TRHDE: variants seen among roughly 807,000 people sequenced by gnomAD.
The protein encoded by TRHDE is thyrotropin-releasing hormone-degrading ectoenzyme.
TRHDE carries 72 observed loss-of-function variants against 125.7 expected under a neutral mutation model. The observed-to-expected ratio is 0.57, with a 90% CI of 0.47 to 0.70. The LOEUF (loss-of-function observed/expected upper bound fraction) is 0.70, where lower values mean the gene tolerates loss of function less well. Ranked by LOEUF, TRHDE falls within the 30% of genes least tolerant of loss-of-function variation. TRHDE has a pLI of 0.00. For synonymous variants in TRHDE, 509 were observed against 509.1 expected (o/e 1.00, Z 0.00); for missense variants, 1,110 against 1,327.1 (o/e 0.84, Z 2.54).
chr12:72,152,947 A>T (rs527473696), intron 2 of TRHDE, among the ~76,000 whole-genome samples: 1 of 152,064 alleles, frequency 6.6e-6, no homozygotes, highest in African/African-American at 2.4e-5. Context: ...TTTTCTATTG[A>T]TTGGAATAGT....
At chr12:72,505,166 A>G (rs1878308174) in intron 6 of TRHDE, among the ~76,000 whole-genome samples, 1 of 152,192 alleles carries the variant, frequency 6.6e-6, no homozygotes, top group African/African-American at 2.4e-5. Flanking sequence ...TTCAATATGG[A>G]TAGTCCCAAG....
intron 3 of TRHDE, among the ~76,000 whole-genome samples, chr12:72,429,398 G>A (rs1162227855): frequency 1.3e-5 from 2 of 150,538 alleles, no homozygotes; most frequent in East Asian, 1.9e-4. Context: ...ATTAAAAAAA[G>A]ATATACCACA....
chr12:72,653,186 T>C (rs1874576285), intron 17 of TRHDE, 30 bp downstream of exon 17: 1 of 1,588,784 alleles, frequency 6.3e-7, no homozygotes, highest in South Asian at 1.1e-5. Flanking sequence ...CTTGAATGAG[T>C]AAATTAAAGC....
At position 72,131,065 on chromosome 12, in the gene TRHDE, A is replaced by ATTT. The variant is rs757285511; in HGVS notation, n.279+25335_279+25337dup. 2.0e-3 allele frequency among the ~76,000 whole-genome samples: 216 copies of ATTT among 105,452 alleles called. 1 individual carries two copies. The highest frequency in any genetic ancestry group is 6.8e-3 in the Middle Eastern group (1 of 146). 69.2% of individuals were successfully genotyped at this position (105,452 alleles called of 152,430 possible). Reference sequence around the variant, plus strand: ...TATATTTCTTGTACTACTTAATGTAATTTTTTTTTTTTTTTTTTTTTTTTG... The same window carrying ATTT: ...TATATTTCTTGTACTACTTAATGTAATTTTTTTTTTTTTTTTTTTTTTTTTTTG... On this transcript the variant is annotated intron_variant and non_coding_transcript_variant, in intron 2 of 4. Coordinates refer to the TRHDE transcript ENST00000548156.
At chr12:72,466,889 C>G (rs1876401652) in intron 3 of TRHDE, among the ~76,000 whole-genome samples, 1 of 152,156 alleles carries the variant, frequency 6.6e-6, no homozygotes, top group African/African-American at 2.4e-5. Flanking sequence ...CTAATTTTCT[C>G]ATTCATTTAT....
intron 3 of TRHDE, among the ~76,000 whole-genome samples, chr12:72,442,768 C>T (rs1481051986): frequency 6.6e-6 from 1 of 151,750 alleles, no homozygotes; most frequent in Non-Finnish European, 1.5e-5. Context: ...AGGAGTTGGC[C>T]TAAAAGTCAT....
Position 72,273,100 on chromosome 12 carries a change from C to A in TRHDE, c.457C>A (p.Gln153Lys), listed in dbSNP as rs982097180. The A allele has an allele frequency of 2.6e-6, 4 of 1,520,706 alleles. No homozygotes were observed. The African/African-American group carries it at 5.5e-5, about 21-fold the overall frequency. 94.2% of individuals were successfully genotyped at this position (1,520,706 alleles called of 1,614,324 possible). The change falls in exon 1 of 19, where the codon CAG becomes AAG. Residue 153 changes from glutamine to lysine, a missense_variant. This residue lies in a region of TRHDE where 248 missense variants were observed against 240.8 expected (regional missense o/e 1.03). Transcript: ENST00000261180. The surrounding 1 kb of genome is among the most constrained non-coding windows in gnomAD (Gnocchi z 5.3). ...RNHHAGGDSW[Q>K]PEAGGVASPG... ...CCACCACGCAGGCGGGGACTCCTGG[C>A]AGCCCGAGGCGGGTGGGGTGGCCAG...
intron 6 of TRHDE, among the ~76,000 whole-genome samples, chr12:72,527,276 G>C (rs1479207989): frequency 6.6e-6 from 1 of 152,002 alleles, no homozygotes; most frequent in East Asian, 1.9e-4. Context: ...AAGACAGATT[G>C]TTCTATTTCC....
intron 5 of TRHDE, among the ~76,000 whole-genome samples, chr12:72,474,044 A>G (rs1876773710): frequency 6.7e-6 from 1 of 149,600 alleles, no homozygotes; most frequent in South Asian, 2.1e-4. Flanking sequence ...ACACACACAT[A>G]CATATATATA....
chr12:72,241,950 A>G (rs1170082058), intron 2 of TRHDE, among the ~76,000 whole-genome samples: 1 of 152,182 alleles, frequency 6.6e-6, no homozygotes, highest in South Asian at 2.1e-4. Context: ...TTTGCTTTAC[A>G]TATGTCCACT....
At chr12:72,267,030 A>T (rs576424527) in intron 2 of TRHDE, among the ~76,000 whole-genome samples, 1 of 152,224 alleles carries the variant, frequency 6.6e-6, no homozygotes, top group Non-Finnish European at 1.5e-5. Flanking sequence ...ATTTATCTGG[A>T]AACATGGATT....
At position 72,377,548 on chromosome 12, in the gene TRHDE, T is replaced by G. The variant is rs911094672; in HGVS notation, c.1189-447T>G. The stretch of plus-strand genomic sequence containing the variant: ...AAAAAGGAAGCATAAATTATAGATA[T>G]ATATTCTCAGTCTGGTAATACTTCG... On this transcript the variant is annotated intron_variant, in intron 2 of 18. Coordinates refer to ENST00000261180, the MANE Select transcript of TRHDE (RefSeq NM_013381.3). Among the ~76,000 whole-genome samples, 6 of 152,248 alleles carry G rather than the reference T, an allele frequency of 3.9e-5. No individual in the cohort carries two copies. The East Asian group carries it at 7.7e-4, about 20-fold the overall frequency.
chr12:72,248,021 G>A (rs1398355731), intron 2 of TRHDE, among the ~76,000 whole-genome samples: 1 of 152,090 alleles, frequency 6.6e-6, no homozygotes, highest in Non-Finnish European at 1.5e-5. Context: ...ATGCATGTAT[G>A]TGTGTATGTG....
chr12:72,344,434 C>T (rs1189496553), intron 2 of TRHDE, among the ~76,000 whole-genome samples: 2 of 151,990 alleles, frequency 1.3e-5, no homozygotes, highest in African/African-American at 2.4e-5. Flanking sequence ...GAAGTTAAAG[C>T]CTGAGGGCCT....
At chr12:72,585,616 C>T (rs1871408761) in intron 12 of TRHDE, among the ~76,000 whole-genome samples, 1 of 152,168 alleles carries the variant, frequency 6.6e-6, no homozygotes, top group Admixed American at 6.5e-5. Context: ...TTTGCTTCTA[C>T]TAAAGAGGAC....
chr12:72,278,717 C>T (rs879305245), intron 1 of TRHDE, among the ~76,000 whole-genome samples: 1 of 152,040 alleles, frequency 6.6e-6, no homozygotes, highest in Non-Finnish European at 1.5e-5. Flanking sequence ...TTTCATATAC[C>T]GGTTGGCCAT....
In TRHDE at chr12:72,666,669, G is replaced by A. The variant is rs780113911; in HGVS notation, c.*3474G>A. Reference sequence around the variant, plus strand: ...AATATATGTTGAAAATATCTCTATCGATTGCATTAATTGGAGATTTTCCAA... The same window carrying A: ...AATATATGTTGAAAATATCTCTATCAATTGCATTAATTGGAGATTTTCCAA... On this transcript the variant is annotated 3_prime_UTR_variant, in exon 19 of 19. Transcript: ENST00000261180. 1.3e-5 allele frequency: 2 copies of A among 151,868 alleles called. No homozygotes were observed. Among genetic ancestry groups the A allele is most frequent in the Non-Finnish European group, 2.9e-5 (2 of 67,960 alleles). The allele number at this position is 151,868 out of a possible 1,614,324, so 9.4% of individuals were successfully genotyped here.
At chr12:72,443,009 T>A (rs1469448069) in intron 3 of TRHDE, among the ~76,000 whole-genome samples, 1 of 151,856 alleles carries the variant, frequency 6.6e-6, no homozygotes, top group Admixed American at 6.6e-5. Flanking sequence ...TCTCTTGCAC[T>A]CTTCATTGGT....
chr12:72,126,876 G>A (rs1477810913), intron 2 of TRHDE, among the ~76,000 whole-genome samples: 2 of 152,124 alleles, frequency 1.3e-5, no homozygotes, highest in Non-Finnish European at 2.9e-5. Context: ...AAGAGCTTCT[G>A]CACAGCCAAA....
Sources: allele counts gnomAD v4.1 joint callset (sites outside exome capture counted in the v4.1 genomes callset), GRCh38; gene constraint gnomAD v4.1.1; regional missense constraint gnomAD v4.1.1; non-coding constraint Gnocchi (gnomAD v3.1); transcripts MANE v1.5; gene names NCBI Gene and HGNC (gene_info 2026-07-23, HGNC 2026-07-21).